The following POLR3G variants were observed in gnomAD, a reference collection of about 807,000 sequenced individuals.
POLR3G encodes the protein DNA-directed RNA polymerase III subunit RPC7.
POLR3G carries 28 observed loss-of-function variants against 30.1 expected under a neutral mutation model. The ratio of observed to expected loss-of-function variants is 0.93; its 90% CI spans 0.69 to 1.27. The LOEUF (loss-of-function observed/expected upper bound fraction) is 1.27. Ranked by LOEUF, POLR3G falls within the 50% of genes most tolerant of loss-of-function variation. The probability of loss-of-function intolerance (pLI) is 0.00; values close to 1 mark genes in which losing one functional copy is unlikely to be tolerated. For missense variants in POLR3G, 254 were observed against 264.6 expected, an observed-to-expected ratio of 0.96 and a Z score of 0.28; for synonymous variants, 79 against 82.5, an observed-to-expected ratio of 0.96 and a Z score of 0.23.
chr5:90,494,350 G>A (rs951073197), intron 3 of POLR3G, among the ~76,000 whole-genome samples: 1 of 152,146 alleles, frequency 6.6e-6, no homozygotes, highest in Non-Finnish European at 1.5e-5. Flanking sequence ...GATTACATGA[G>A]TTATCTTGTC....
chr5:90,498,185 T>C (rs1327257517), intron 5 of POLR3G, among the ~76,000 whole-genome samples: 1 of 152,186 alleles, frequency 6.6e-6, no homozygotes, highest in Non-Finnish European at 1.5e-5. Flanking sequence ...ATATGCATTA[T>C]AACTATTTTG....
rs369143393 is a variant in POLR3G, at chr5:90,497,665, G to T, written c.314G>T (p.Arg105Ile). ...YKEEWIPDWR[R>I]LPREMMPRNK... is the part of the protein sequence containing the mutation. Reference sequence around the variant, plus strand: ...TTTATTTTATGTACAGATTGGAGAAGACTTCCAAGAGAGATGATGCCAAGA... The same window carrying T: ...TTTATTTTATGTACAGATTGGAGAATACTTCCAAGAGAGATGATGCCAAGA... The change falls in exon 5 of 8, where the codon AGA becomes ATA. Residue 105 changes from arginine to isoleucine, a missense_variant. Coordinates refer to ENST00000651687, the MANE Select transcript of POLR3G (RefSeq NM_006467.3). 24 of 1,600,622 alleles carry T rather than the reference G, an allele frequency of 1.5e-5. No individual in the cohort carries two copies. In the Middle Eastern group the frequency reaches 1.2e-3, roughly 77 times the overall value.
chr5:90,477,033 A>C (rs2151896415), intron 1 of POLR3G, among the ~76,000 whole-genome samples: 1 of 152,356 alleles, frequency 6.6e-6, no homozygotes, highest in Non-Finnish European at 1.5e-5. Context: ...AGGGTGCTTA[A>C]TAAATACTTG....
In POLR3G at chr5:90,506,651, TATG is replaced by T. The variant is rs779908296; in HGVS notation, c.567_569del (p.Asp189del). 3 of 1,609,850 alleles carry T rather than the reference TATG, an allele frequency of 1.9e-6. No homozygotes were observed. In the South Asian group the frequency reaches 3.3e-5, roughly 18 times the overall value. ...CGATGATGCCGCAGAACAGGAGGAA[TATG>T]ATGAAGAAGAGCAAGAAGAGGTAAT... On this transcript the variant is annotated inframe_deletion, in exon 7 of 8. Transcript: ENST00000651687.
chr5:90,503,173 A>G (rs1385249699), intron 6 of POLR3G, among the ~76,000 whole-genome samples: 3 of 152,186 alleles, frequency 2.0e-5, no homozygotes, highest in African/African-American at 4.8e-5. Flanking sequence ...AGCTCTTTAC[A>G]TATGTTATGT....
intron 6 of POLR3G, among the ~76,000 whole-genome samples, chr5:90,503,584 T>C (rs1241090111): frequency 1.3e-5 from 2 of 152,208 alleles, no homozygotes. Flanking sequence ...CCATATTGTC[T>C]ACATTTAAAC....
chr5:90,500,673 T>C (rs1191729720), intron 5 of POLR3G, among the ~76,000 whole-genome samples: 1 of 152,150 alleles, frequency 6.6e-6, no homozygotes, highest in South Asian at 2.1e-4. Flanking sequence ...CTAATACATA[T>C]GTTTGGGAGC....
At chr5:90,474,541 C>G, upstream of POLR3G, 1 of 521,386 alleles carries the variant, frequency 1.9e-6, no homozygotes, top group Admixed American at 3.6e-5. Context: ...GCGCCACCAG[C>G]ACGGGGGCGC....
rs150301152 is a variant in POLR3G at position 90,488,004 on chromosome 5, C to G, written c.122C>G (p.Thr41Arg). ...TTTGTCTCTTAATTTAAACAGGATA[C>G]AGATTATAAACCAGTGCCACTGAAA... ...VLKPPPLFPD[T>R]DYKPVPLKTG... Residue 41 changes from threonine to arginine, a missense_variant, in exon 3 of 8, where the codon ACA becomes AGA. By Grantham distance (71) the Thr-to-Arg change is moderately conservative (BLOSUM62 -1). Coordinates refer to ENST00000651687, the MANE Select transcript of POLR3G (RefSeq NM_006467.3). 3.2e-5 allele frequency: 51 copies of G among 1,583,744 alleles called. No individual in the cohort carries two copies. Among genetic ancestry groups the G allele is most frequent in the South Asian group, 1.8e-4 (15 of 84,994 alleles).
intron 6 of POLR3G, 48 bp downstream of exon 6, chr5:90,502,036 A>G (rs1367054098): frequency 6.3e-7 from 1 of 1,584,878 alleles, no homozygotes; most frequent in Non-Finnish European, 8.6e-7. Context: ...AATGTAAAAG[A>G]TCCTACCTCG....
intron 1 of POLR3G, among the ~76,000 whole-genome samples, chr5:90,479,901 G>C (rs958906266): frequency 8.5e-5 from 13 of 152,128 alleles, no homozygotes; most frequent in Non-Finnish European, 1.6e-4. Context: ...TCAAAACTGT[G>C]CTTTAGGATG....
At chr5:90,500,845 A>G (rs901833542) in intron 5 of POLR3G, among the ~76,000 whole-genome samples, 1 of 152,134 alleles carries the variant, frequency 6.6e-6, no homozygotes, top group Non-Finnish European at 1.5e-5. Context: ...TCCTCTTACA[A>G]AGTAATTTCT....
chr5:90,487,967 T>C, intron 2 of POLR3G, 33 bp from the exon 3 acceptor site: 2 of 1,500,512 alleles, frequency 1.3e-6, no homozygotes, highest in Non-Finnish European at 1.8e-6. Flanking sequence ...CATAATTGAT[T>C]TGAAAAAAAT....
At chr5:90,474,056 G>T (rs35599358), upstream of POLR3G, 1 of 1,583,162 alleles carries the variant, frequency 6.3e-7, no homozygotes, top group Middle Eastern at 1.7e-4. Flanking sequence ...GGGTGGCCAC[G>T]GCAAGCAGTG....
chr5:90,481,299 AAG>A (rs535413314), intron 1 of POLR3G, among the ~76,000 whole-genome samples: 22 of 152,198 alleles, frequency 1.4e-4, no homozygotes, highest in Non-Finnish European at 2.8e-4. Flanking sequence ...TAGAGAAGGA[AAG>A]AGAGAGCATC....
chr5:90,497,047 A>G (rs927715040), intron 4 of POLR3G, among the ~76,000 whole-genome samples: 1 of 152,192 alleles, frequency 6.6e-6, no homozygotes, highest in Non-Finnish European at 1.5e-5. Flanking sequence ...ATCAACTTTT[A>G]TGTTGCTTCC....
intron 6 of POLR3G, among the ~76,000 whole-genome samples, chr5:90,506,028 AG>A (rs1289441291): frequency 6.6e-6 from 1 of 152,106 alleles, no homozygotes; most frequent in Non-Finnish European, 1.5e-5. Flanking sequence ...TGAGACCAGC[AG>A]TTTGAGACCA....
intron 1 of POLR3G, 54 bp from the exon 2 acceptor site, chr5:90,485,471 T>C: frequency 1.1e-6 from 1 of 892,808 alleles, no homozygotes; most frequent in Non-Finnish European, 1.8e-6. Flanking sequence ...TATTTTGCTT[T>C]AAAGTGTTGA....
At position 90,514,217 on chromosome 5, in the gene POLR3G, C is replaced by G. The variant is rs1254920552; in HGVS notation, c.*2078C>G. ...ACCAGCATGAGTCTCATTTTTCTGG[C>G]TTAAAATCTGGGACTGTGAAATTAT... On this transcript the variant is annotated 3_prime_UTR_variant, in exon 8 of 8. Transcript: ENST00000651687. 2 of 152,118 alleles carry G rather than the reference C, an allele frequency of 1.3e-5. No homozygotes were observed. Among genetic ancestry groups the G allele is most frequent in the African/African-American group, 2.4e-5 (1 of 41,418 alleles). The allele number at this position is 152,118 out of a possible 1,614,324, so 9.4% of individuals were successfully genotyped here.
Sources: gnomAD v4.1 joint callset for allele counts (sites outside exome capture counted in the v4.1 genomes callset) on GRCh38, gnomAD v4.1.1 for gene constraint, MANE v1.5 for transcripts, NCBI Gene and HGNC (gene_info 2026-07-23, HGNC 2026-07-21) for gene names.